CDH23: variants seen among roughly 807,000 people sequenced by gnomAD.
CDH23 encodes the protein cadherin related 23, also known as cadherin-23.
CDH23 carries 189 observed loss-of-function variants against 317.1 expected under a neutral mutation model. The ratio of observed to expected loss-of-function variants is 0.60; its 90% CI spans 0.53 to 0.67. CDH23 has a LOEUF of 0.67. Ranked by LOEUF, CDH23 falls within the 30% of genes least tolerant of loss-of-function variation. The pLI is 0.00. For synonymous variants in CDH23, 1,839 were observed against 1,876.8 expected (o/e 0.98, Z 0.52); for missense variants, 4,401 against 4,592.4 (o/e 0.96, Z 1.20).
chr10:71,774,525 A>G (rs1324457025), intron 38 of CDH23, among the ~76,000 whole-genome samples: 2 of 152,218 alleles, frequency 1.3e-5, no homozygotes, highest in Non-Finnish European at 2.9e-5. Context: ...TCTGCCCTCC[A>G]GAGCGAAACT....
At position 71,701,890 on chromosome 10, in the gene CDH23, T is replaced by A. The variant is rs111542462; in HGVS notation, c.2398-132T>A. On this transcript the variant is annotated intron_variant, in intron 22 of 69. Transcript: ENST00000224721. ...ACCCCCCTACCGGGCCCAGCGGGGA[T>A]GCCCACTTCCTGGGCCAGAGCCAGG... The A allele has an allele frequency of 4.1e-3, 3,662 of 901,528 alleles. 119 individuals are homozygous for A. The African/African-American group carries it at 0.054, about 13-fold the overall frequency. The allele number at this position is 901,528 out of a possible 1,614,324, so 55.8% of individuals were successfully genotyped here.
chr10:71,573,415 T>C (rs1857952893), intron 8 of CDH23, among the ~76,000 whole-genome samples: 1 of 152,220 alleles, frequency 6.6e-6, no homozygotes, highest in South Asian at 2.1e-4. Flanking sequence ...CTTCATCCTT[T>C]TATGCACCCA....
intron 3 of CDH23, among the ~76,000 whole-genome samples, chr10:71,475,830 G>A (rs1471939236): frequency 2.6e-5 from 4 of 152,230 alleles, no homozygotes; most frequent in African/African-American, 7.2e-5. Flanking sequence ...CCATGCCTGG[G>A]GTCAGAAGCC....
intron 3 of CDH23, among the ~76,000 whole-genome samples, chr10:71,472,775 C>T (rs1185430230): frequency 6.6e-6 from 1 of 152,148 alleles, no homozygotes; most frequent in Admixed American, 6.5e-5. Context: ...CTGTGCATGG[C>T]CCTTTATCTA....
chr10:71,718,695 C>A (rs1457215408), intron 28 of CDH23, among the ~76,000 whole-genome samples: 2 of 152,200 alleles, frequency 1.3e-5, no homozygotes, highest in Non-Finnish European at 2.9e-5. Flanking sequence ...TATTTCAAGG[C>A]CTTCAAAGGA....
Position 71,793,560 on chromosome 10 carries a change from T to C in CDH23, c.6632T>C (p.Ile2211Thr), listed in dbSNP as rs778344590. 15 of 1,613,094 alleles carry C rather than the reference T, an allele frequency of 9.3e-6. No homozygotes were observed. In the South Asian group the frequency reaches 1.6e-4, roughly 18 times the overall value. The change falls in exon 48 of 70, where the codon ATT (isoleucine) becomes ACT (threonine). Residue 2211 changes from isoleucine to threonine, a missense_variant. Around this residue, in one of 3 missense-constraint regions of CDH23, gnomAD observed 3,068 missense variants for 3,203.3 expected, o/e 0.96. Coordinates refer to ENST00000224721, the MANE Select transcript of CDH23 (RefSeq NM_022124.6). ...CTCAACCCAAAGCTAGAGTACCACA[T>C]TGTCGGCATTGTGGCCAAGGACGAC... ...HDLNPKLEYH[I>T]VGIVAKDDTD...
At chr10:71,634,116 G>T (rs919868756) in intron 11 of CDH23, among the ~76,000 whole-genome samples, 1 of 152,230 alleles carries the variant, frequency 6.6e-6, no homozygotes, top group Non-Finnish European at 1.5e-5. Context: ...CTGCACCCTG[G>T]CCCTCCCTGC....
At chr10:71,555,067 G>A (rs1856803779) in intron 6 of CDH23, among the ~76,000 whole-genome samples, 1 of 152,134 alleles carries the variant, frequency 6.6e-6, no homozygotes, top group South Asian at 2.1e-4. Flanking sequence ...AGGGCACGGG[G>A]GTATGAGGCT....
intron 6 of CDH23, among the ~76,000 whole-genome samples, chr10:71,543,917 T>A (rs1327932847): frequency 1.3e-5 from 2 of 151,274 alleles, no homozygotes; most frequent in African/African-American, 4.9e-5. Flanking sequence ...TCTTAGAGAG[T>A]GCCCCAATTT....
intron 29 of CDH23, 101 bp from the exon 30 acceptor site, chr10:71,725,271 G>A (rs1323267723): frequency 1.3e-6 from 2 of 1,559,094 alleles, no homozygotes; most frequent in East Asian, 2.2e-5. Context: ...CTCCTCACAA[G>A]GAGGGGACTG....
chr10:71,575,638 C>T (rs1355609009), intron 8 of CDH23, among the ~76,000 whole-genome samples: 1 of 152,198 alleles, frequency 6.6e-6, no homozygotes, highest in Admixed American at 6.5e-5. Context: ...CTTGGCAGGT[C>T]GCACCCTGGC....
chr10:71,806,580 T>A (rs1256079822), intron 57 of CDH23, among the ~76,000 whole-genome samples: 1 of 59,404 alleles, frequency 1.7e-5, no homozygotes, highest in Non-Finnish European at 3.0e-5. Flanking sequence ...TCAGCTCTGA[T>A]TTTTTTTTTT....
chr10:71,462,910 G>A (rs1285354831), intron 3 of CDH23, among the ~76,000 whole-genome samples: 2 of 152,138 alleles, frequency 1.3e-5, no homozygotes, highest in Non-Finnish European at 2.9e-5. Flanking sequence ...TGCTTCTTTG[G>A]GCCAGGCCTC....
At chr10:71,519,217 G>A (rs899783068) in intron 6 of CDH23, among the ~76,000 whole-genome samples, 5 of 152,096 alleles carry the variant, frequency 3.3e-5, no homozygotes, top group African/African-American at 4.8e-5. Context: ...GGCACTCACC[G>A]GAACACCTTT....
chr10:71,532,312 G>A (rs927284165), intron 6 of CDH23, among the ~76,000 whole-genome samples: 2 of 152,210 alleles, frequency 1.3e-5, no homozygotes, highest in Non-Finnish European at 2.9e-5. Context: ...ACTGCTCTCC[G>A]CCAGCCTCCT....
intron 3 of CDH23, among the ~76,000 whole-genome samples, chr10:71,474,915 T>C (rs577951149): frequency 1.3e-5 from 2 of 152,322 alleles, no homozygotes; most frequent in African/African-American, 4.8e-5. Flanking sequence ...AGTTTCCCCA[T>C]CTGTAAAATG....
At position 71,810,452 on chromosome 10, in the gene CDH23, C is replaced by T. The variant is rs376389428; in HGVS notation, c.8980-20C>T. 6.2e-7 allele frequency: 1 copy of T among 1,612,342 alleles called. No homozygotes were observed. Among genetic ancestry groups the T allele is most frequent in the Non-Finnish European group, 8.5e-7 (1 of 1,178,420 alleles). ...CCCCTGCTGTGGTGGCCACACCCTACAATACCCCTTCTCATCTAGTTCCAT... is the reference window on the plus strand; with the variant it reads ...CCCCTGCTGTGGTGGCCACACCCTATAATACCCCTTCTCATCTAGTTCCAT... On this transcript the variant is annotated intron_variant, in intron 61 of 69. Transcript: ENST00000224721.
intron 1 of CDH23, among the ~76,000 whole-genome samples, chr10:71,438,225 C>T (rs539117692): frequency 6.6e-5 from 5 of 75,854 alleles, no homozygotes; most frequent in Admixed American, 1.3e-4. Context: ...CACCTGTAAT[C>T]CCAGCTACTC....
At chr10:71,503,801 G>C (rs1319931685) in intron 3 of CDH23, among the ~76,000 whole-genome samples, 2 of 152,188 alleles carry the variant, frequency 1.3e-5, no homozygotes, top group African/African-American at 4.8e-5. Context: ...CACCCGAGAG[G>C]TGAATAATGA....
Sources: allele counts gnomAD v4.1 joint callset (sites outside exome capture counted in the v4.1 genomes callset), GRCh38; gene constraint gnomAD v4.1.1; regional missense constraint gnomAD v4.1.1; transcripts MANE v1.5; gene names NCBI Gene and HGNC (gene_info 2026-07-23, HGNC 2026-07-21).